The following RNF38 variants were observed in gnomAD, a reference collection of about 807,000 sequenced individuals.
RNF38 encodes the protein ring finger protein 38.
RNF38 carries 15 observed loss-of-function variants against 67.2 expected under a neutral mutation model. The observed-to-expected ratio is 0.22, with a 90% CI of 0.15 to 0.34. RNF38 has a LOEUF of 0.34. Ranked by LOEUF, RNF38 falls within the 10% of genes least tolerant of loss-of-function variation. The pLI is 1.00. For synonymous variants in RNF38, 220 were observed against 218.8 expected (o/e 1.01, Z -0.05); for missense variants, 524 against 639.9 (o/e 0.82, Z 1.95).
chr9:36,396,721 C>CA (rs1455643242), intron 1 of RNF38, among the ~76,000 whole-genome samples: 2 of 151,192 alleles, frequency 1.3e-5, no homozygotes, highest in Admixed American at 6.6e-5. Flanking sequence ...AAAATGTAAC[C>CA]AAAAAAATCT....
At chr9:36,451,089 A>G (rs906142700) in intron 1 of RNF38, among the ~76,000 whole-genome samples, 4 of 152,232 alleles carry the variant, frequency 2.6e-5, no homozygotes, top group African/African-American at 9.6e-5. Context: ...GACTGTGTTA[A>G]TACGCACCTT....
chr9:36,399,986 T>A (rs553583984), intron 1 of RNF38, 111 bp downstream of exon 1: 2 of 946,144 alleles, frequency 2.1e-6, no homozygotes, highest in East Asian at 5.1e-5. Flanking sequence ...ATTCATATAA[T>A]GGTGGCAATA....
chr9:36,436,886 T>C (rs1839082921), intron 1 of RNF38, among the ~76,000 whole-genome samples: 1 of 152,036 alleles, frequency 6.6e-6, no homozygotes, highest in East Asian at 1.9e-4. Flanking sequence ...ATCCATCCTT[T>C]AGTTTTGCCA....
chr9:36,387,895 A>C (rs1014418154), intron 2 of RNF38, among the ~76,000 whole-genome samples: 2 of 152,256 alleles, frequency 1.3e-5, no homozygotes, highest in Non-Finnish European at 2.9e-5. Context: ...ACAAAACAAA[A>C]AAAACAGGAA....
At chr9:36,400,977 C>T (rs1347865382), upstream of RNF38, 41 of 984,514 alleles carry the variant, frequency 4.2e-5, no homozygotes, top group Non-Finnish European at 4.9e-5. Flanking sequence ...TATGCGCCGG[C>T]GCACTGGCCT....
At chr9:36,408,289 A>C (rs1838233259) in intron 2 of RNF38, among the ~76,000 whole-genome samples, 1 of 138,094 alleles carries the variant, frequency 7.2e-6, no homozygotes, top group Non-Finnish European at 1.5e-5. Flanking sequence ...TTTTTTGTAG[A>C]GACTAGGTTT....
At chr9:36,355,499 T>TA (rs1217420212) in intron 6 of RNF38, among the ~76,000 whole-genome samples, 1 of 152,134 alleles carries the variant, frequency 6.6e-6, no homozygotes, top group Non-Finnish European at 1.5e-5. Context: ...CATCACAACA[T>TA]AGTGAAAAAC....
At chr9:36,433,972 C>G (rs1203391042) in intron 1 of RNF38, among the ~76,000 whole-genome samples, 1 of 151,800 alleles carries the variant, frequency 6.6e-6, no homozygotes, top group African/African-American at 2.4e-5. Flanking sequence ...GGCGCGGTGG[C>G]TCATGCCTGT....
At chr9:36,487,632 G>A (rs971683103), upstream of RNF38, 11 of 956,904 alleles carry the variant, frequency 1.1e-5, no homozygotes, top group East Asian at 1.2e-4. Context: ...GGCCCCGGCC[G>A]GCAGCAGCGG....
At chr9:36,340,230 T>C (rs1016106530) in intron 11 of RNF38, among the ~76,000 whole-genome samples, 1 of 152,268 alleles carries the variant, frequency 6.6e-6, no homozygotes, top group Non-Finnish European at 1.5e-5. Flanking sequence ...CCACCCACCA[T>C]GGCCTCCCAA....
intron 2 of RNF38, among the ~76,000 whole-genome samples, chr9:36,381,340 A>C (rs1018149465): frequency 1.3e-5 from 2 of 152,222 alleles, no homozygotes; most frequent in Non-Finnish European, 2.9e-5. Context: ...CAGAGAAACT[A>C]GAAAAATTGA....
At position 36,348,250 on chromosome 9, in the gene RNF38, T is replaced by C. The variant is rs184377484; in HGVS notation, c.1263+2865A>G. On this transcript the variant is annotated intron_variant, in intron 9 of 11. Coordinates refer to ENST00000259605, the MANE Select transcript of RNF38 (RefSeq NM_022781.5). ...CATTGGGCACAGTGGCTCATGACTG[T>C]AATCCCAACACTTGGACTAGCCTTG... 6.6e-5 allele frequency among the ~76,000 whole-genome samples: 10 copies of C among 151,932 alleles called. No homozygotes were observed. The East Asian group carries it at 1.9e-3, about 29-fold the overall frequency.
intron 1 of RNF38, among the ~76,000 whole-genome samples, chr9:36,474,427 T>A (rs1394617831): frequency 2.7e-5 from 4 of 148,880 alleles, no homozygotes; most frequent in South Asian, 2.2e-4. Context: ...AAAATAGTGA[T>A]CAACTTTGCT....
At chr9:36,361,123 C>T (rs1782144514) in intron 4 of RNF38, among the ~76,000 whole-genome samples, 1 of 151,670 alleles carries the variant, frequency 6.6e-6, no homozygotes, top group African/African-American at 2.4e-5. Flanking sequence ...GGCCAAGTAC[C>T]ATATTTTGCT....
Position 36,400,229 on chromosome 9 carries a change from C to G in RNF38, c.-121G>C. 6.9e-7 allele frequency: 1 copy of G among 1,459,406 alleles called. No homozygotes were observed. 90.4% of individuals were successfully genotyped at this position (1,459,406 alleles called of 1,614,324 possible). On this transcript the variant is annotated 5_prime_UTR_variant, in exon 1 of 12. Coordinates refer to ENST00000259605, the MANE Select transcript of RNF38 (RefSeq NM_022781.5). Reference sequence around the variant, plus strand: ...AGGAAGAACTTGCATCCCCTGAGAACAAAACGCAGCCTATCCAGAAACCCA... The same window carrying G: ...AGGAAGAACTTGCATCCCCTGAGAAGAAAACGCAGCCTATCCAGAAACCCA...
chr9:36,400,014 C>T lies in RNF38; in HGVS notation c.12+83G>A. The T allele has an allele frequency of 4.0e-6, 5 of 1,252,940 alleles. No homozygotes were observed. The highest frequency in any genetic ancestry group is 5.7e-6 in the Non-Finnish European group (5 of 873,336). 77.6% of individuals were successfully genotyped at this position (1,252,940 alleles called of 1,614,324 possible). ...TGGCAATAATTACATGTGTGTGTTT[C>T]TACTTACGGTAGAATTAGCATACCC... On this transcript the variant is annotated intron_variant, in intron 1 of 11. Transcript: ENST00000259605.
intron 2 of RNF38, among the ~76,000 whole-genome samples, chr9:36,389,237 T>C (rs1289144867): frequency 6.6e-6 from 1 of 152,176 alleles, no homozygotes; most frequent in Admixed American, 6.5e-5. Context: ...TTGTTTTGTT[T>C]TCAAAACATG....
At chr9:36,438,888 C>T (rs1389267408) in intron 1 of RNF38, among the ~76,000 whole-genome samples, 1 of 152,232 alleles carries the variant, frequency 6.6e-6, no homozygotes, top group Non-Finnish European at 1.5e-5. Context: ...TATTTTACAA[C>T]ATGGACATGA....
At chr9:36,446,810 G>GA (rs60691553) in intron 1 of RNF38, among the ~76,000 whole-genome samples, 1,000 of 28,210 alleles carry the variant, frequency 0.035, 208 homozygotes, top group African/African-American at 0.062. Flanking sequence ...TCCGCCTCAA[G>GA]AAAAAAAAAA....
Sources: allele counts gnomAD v4.1 joint callset (sites outside exome capture counted in the v4.1 genomes callset), GRCh38; gene constraint gnomAD v4.1.1; transcripts MANE v1.5; gene names NCBI Gene and HGNC (gene_info 2026-07-23, HGNC 2026-07-21).